PRKAG2: variants seen among roughly 807,000 people sequenced by gnomAD.
The protein encoded by PRKAG2 is 5'-AMP-activated protein kinase subunit gamma-2.
PRKAG2 carries 26 observed loss-of-function variants against 69.6 expected under a neutral mutation model. The ratio of observed to expected loss-of-function variants is 0.37; its 90% confidence interval spans 0.27 to 0.52. The LOEUF is 0.52. PRKAG2 is among the 20% of genes least tolerant of loss of function. The probability of loss-of-function intolerance (pLI) is 0.90; values close to 1 mark genes in which losing one functional copy is unlikely to be tolerated. For synonymous variants in PRKAG2, 293 were observed against 285.0 expected (o/e 1.03, Z -0.28); for missense variants, 557 against 740.0 (o/e 0.75, Z 2.87).
In PRKAG2 at chr7:151,720,304, C is replaced by T. The variant is rs917784939; in HGVS notation, c.467-44667G>A. Reference sequence around the variant, plus strand: ...AAGCATTGTTGTTCAAGCCAGTTCGCGTTTGAGTTTCTGTTACTTCCAGCC... The same window carrying T: ...AAGCATTGTTGTTCAAGCCAGTTCGTGTTTGAGTTTCTGTTACTTCCAGCC... On this transcript the variant is annotated intron_variant, in intron 3 of 15. Coordinates refer to ENST00000287878, the MANE Select transcript of PRKAG2 (RefSeq NM_016203.4). 7.2e-5 allele frequency among the ~76,000 whole-genome samples: 11 copies of T among 152,016 alleles called. 1 individual carries two copies. In the South Asian group the frequency reaches 8.4e-4, roughly 12 times the overall value.
chr7:151,781,011 G>T lies in PRKAG2; in HGVS notation c.466+141C>A. ...GAGATTTGTTTAGGGGGAAGTGGGG[G>T]TGGGGAGAAACAGATACAGGCACTC... On this transcript the variant is annotated intron_variant, in intron 3 of 15. Transcript: ENST00000287878. The surrounding 1 kb of genome is among the most constrained non-coding windows in gnomAD (Gnocchi z 6.1). 3 of 1,108,002 alleles carry T rather than the reference G, an allele frequency of 2.7e-6. No homozygotes were observed. The highest frequency in any genetic ancestry group is 4.0e-6 in the Non-Finnish European group (3 of 741,910). 68.6% of individuals were successfully genotyped at this position (1,108,002 alleles called of 1,614,324 possible).
chr7:151,815,785 A>G (rs1159836464), intron 1 of PRKAG2, among the ~76,000 whole-genome samples: 1 of 152,154 alleles, frequency 6.6e-6, no homozygotes, highest in Non-Finnish European at 1.5e-5. Context: ...TTGTTAGGAG[A>G]AAATGAGGGT....
intron 1 of PRKAG2, among the ~76,000 whole-genome samples, chr7:151,846,217 G>A (rs897833137): frequency 1.3e-5 from 2 of 152,174 alleles, no homozygotes; most frequent in African/African-American, 4.8e-5. Context: ...GTTCACAGTT[G>A]TAATCCCAGC....
At chr7:151,558,296 C>T (rs1804209613) in intron 15 of PRKAG2, 1 of 985,478 alleles carries the variant, frequency 1.0e-6, no homozygotes, top group African/African-American at 1.7e-5. Flanking sequence ...CGAGTAACAG[C>T]AGACACTTCA....
intron 10 of PRKAG2, among the ~76,000 whole-genome samples, chr7:151,569,895 A>G (rs1250547236): frequency 6.6e-6 from 1 of 152,202 alleles, no homozygotes; most frequent in Non-Finnish European, 1.5e-5. Context: ...AAAGCCCAGG[A>G]ATCTGCAATT....
At chr7:151,852,712 A>G (rs1163254311) in intron 1 of PRKAG2, among the ~76,000 whole-genome samples, 1 of 151,904 alleles carries the variant, frequency 6.6e-6, no homozygotes, top group African/African-American at 2.4e-5. Flanking sequence ...TAGGAACACA[A>G]TGACCTGGAA....
At chr7:151,751,727 G>A (rs1008475025) in intron 3 of PRKAG2, among the ~76,000 whole-genome samples, 4 of 150,830 alleles carry the variant, frequency 2.7e-5, no homozygotes, top group Non-Finnish European at 4.4e-5. Context: ...GTCTCGCTAC[G>A]GTCTTGAACT....
intron 1 of PRKAG2, among the ~76,000 whole-genome samples, chr7:151,846,664 G>A (rs866847730): frequency 8.5e-5 from 13 of 152,162 alleles, no homozygotes; most frequent in Non-Finnish European, 1.9e-4. Flanking sequence ...ATGTGTAGGT[G>A]TGTATGCGTG....
intron 3 of PRKAG2, among the ~76,000 whole-genome samples, chr7:151,767,465 A>G (rs2075795917): frequency 6.6e-6 from 1 of 152,076 alleles, no homozygotes; most frequent in African/African-American, 2.4e-5. Flanking sequence ...TAGTTTTTGT[A>G]TTTTTAGTAG....
chr7:151,670,208 C>T (rs1831789135), intron 4 of PRKAG2, among the ~76,000 whole-genome samples: 1 of 152,200 alleles, frequency 6.6e-6, no homozygotes, highest in African/African-American at 2.4e-5. Flanking sequence ...ACCCTGCCCT[C>T]TTCCTCCTCT....
chr7:151,647,989 A>C (rs1827843404), intron 4 of PRKAG2, among the ~76,000 whole-genome samples: 1 of 152,176 alleles, frequency 6.6e-6, no homozygotes, highest in East Asian at 1.9e-4. Context: ...ACAGGGATTG[A>C]ATGGGCCTGT....
At chr7:151,741,329 A>T (rs1018685767) in intron 3 of PRKAG2, among the ~76,000 whole-genome samples, 1 of 152,132 alleles carries the variant, frequency 6.6e-6, no homozygotes, top group African/African-American at 2.4e-5. Context: ...GAAAATGAAA[A>T]GGTTTTGTTT....
At chr7:151,631,569 C>T (rs1480318041) in intron 5 of PRKAG2, 1 of 412,798 alleles carries the variant, frequency 2.4e-6, no homozygotes, top group Admixed American at 2.5e-5. Flanking sequence ...CTGAACTCAA[C>T]ACCGATTCAA....
At chr7:151,625,486 A>G (rs1398340252) in intron 5 of PRKAG2, among the ~76,000 whole-genome samples, 1 of 152,226 alleles carries the variant, frequency 6.6e-6, no homozygotes, top group Non-Finnish European at 1.5e-5. Context: ...GAGGCTTTAG[A>G]AATGAAAGCG....
At position 151,719,773 on chromosome 7, in the gene PRKAG2, A is replaced by C. The variant is rs1245841378; in HGVS notation, c.467-44136T>G. Among the ~76,000 whole-genome samples, 1 of 142,784 alleles carries C rather than the reference A, an allele frequency of 7.0e-6. No homozygotes were observed. The highest frequency in any genetic ancestry group is 1.5e-5 in the Non-Finnish European group (1 of 65,032). The allele number at this position is 142,784 out of a possible 152,430, so 93.7% of individuals were successfully genotyped here. A position where few individuals can be genotyped will look rare whatever the true frequency, so the allele number is the denominator to read the frequency against. On this transcript the variant is annotated intron_variant, in intron 3 of 15. Coordinates refer to ENST00000287878, the MANE Select transcript of PRKAG2 (RefSeq NM_016203.4). The surrounding 1 kb of genome is among the most constrained non-coding windows in gnomAD (Gnocchi z 5.2). ...CCTGGCACCCTGATCTGTTCTCAACAAGAAACTGGAGCCTGCCCCTCCTCC... is the reference window on the plus strand; with the variant it reads ...CCTGGCACCCTGATCTGTTCTCAACCAGAAACTGGAGCCTGCCCCTCCTCC...
intron 11 of PRKAG2, among the ~76,000 whole-genome samples, chr7:151,566,173 A>T (rs1367292703): frequency 6.6e-6 from 1 of 152,220 alleles, no homozygotes; most frequent in African/African-American, 2.4e-5. Flanking sequence ...GTATAGAACC[A>T]GGGAAGAACA....
intron 3 of PRKAG2, among the ~76,000 whole-genome samples, chr7:151,738,878 GC>G (rs1278858063): frequency 2.0e-5 from 3 of 152,162 alleles, no homozygotes; most frequent in Non-Finnish European, 4.4e-5. Context: ...GGAGTTGTTG[GC>G]CCAGTCACTG....
At chr7:151,723,712 T>C (rs1797486442) in intron 3 of PRKAG2, among the ~76,000 whole-genome samples, 1 of 152,166 alleles carries the variant, frequency 6.6e-6, no homozygotes, top group Non-Finnish European at 1.5e-5. Flanking sequence ...TCAAGGGCGC[T>C]GGGCTCCCTC....
intron 1 of PRKAG2, among the ~76,000 whole-genome samples, chr7:151,821,152 AC>A (rs1294743650): frequency 2.0e-5 from 1 of 49,018 alleles, no homozygotes; most frequent in Non-Finnish European, 4.6e-5. Context: ...GGAAGGGGCT[AC>A]TTTGGAAGAA....
Sources: gnomAD v4.1 joint callset for allele counts (sites outside exome capture counted in the v4.1 genomes callset) on GRCh38, gnomAD v4.1.1 for gene constraint, Gnocchi (gnomAD v3.1) non-coding constraint, MANE v1.5 for transcripts, NCBI Gene and HGNC (gene_info 2026-07-23, HGNC 2026-07-21) for gene names.